Variants in SLC14A2 observed in about 807,000 individuals in gnomAD.
The protein encoded by SLC14A2 is urea transporter 2.
SLC14A2 carries 91 observed loss-of-function variants against 104.6 expected under a neutral mutation model. That is an observed-to-expected ratio of 0.87 (90% CI 0.73 to 1.04). The LOEUF (loss-of-function observed/expected upper bound fraction) is 1.04, where lower values mean the gene tolerates loss of function less well. Among genes scored for constraint, SLC14A2 ranks in the 50% least tolerant of loss-of-function variants. The pLI is 0.00. For synonymous variants in SLC14A2, 476 were observed against 466.4 expected, an observed-to-expected ratio of 1.02 and a Z score of -0.27; for missense variants, 1,189 against 1,156.0, an observed-to-expected ratio of 1.03 and a Z score of -0.41.
rs955962342 is a variant in SLC14A2 at position 45,405,460 on chromosome 18, A to C, written c.-124-77773A>C. Among the ~76,000 whole-genome samples the C allele has an allele frequency of 2.0e-5, 3 of 152,228 alleles. No homozygotes were observed. The East Asian group carries it at 5.8e-4, about 29-fold the overall frequency. The stretch of plus-strand genomic sequence containing the variant: ...AGGTGACCACAATAAAGTGAGTATC[A>C]CATTAAAGCAAGTCGCCTGAAGTGC... On this transcript the variant is annotated intron_variant, in intron 1 of 20. Transcript: ENST00000586448.
chr18:45,427,095 G>A (rs190841092), intron 1 of SLC14A2, among the ~76,000 whole-genome samples: 26 of 152,234 alleles, frequency 1.7e-4, no homozygotes, highest in African/African-American at 5.8e-4. Flanking sequence ...ACCTGCTGAG[G>A]AACATAAGTA....
At chr18:45,634,701 C>A in intron 5 of SLC14A2, 1 of 410,886 alleles carries the variant, frequency 2.4e-6, no homozygotes, top group Non-Finnish European at 4.9e-6. Context: ...ACCAGGTACA[C>A]CCTGTAGACC....
chr18:45,183,377 G>C, the SLC14A2 span, among the ~76,000 whole-genome samples: 2 of 152,158 alleles, frequency 1.3e-5, no homozygotes, highest in Non-Finnish European at 2.9e-5. Flanking sequence ...TGCACACTTT[G>C]ATGTGCTGAT....
At chr18:45,174,593 G>T in the SLC14A2 span, among the ~76,000 whole-genome samples, 1 of 152,066 alleles carries the variant, frequency 6.6e-6, no homozygotes, top group Non-Finnish European at 1.5e-5. Flanking sequence ...TCCCTGCTTC[G>T]TTCCACTTCT....
In SLC14A2 at chr18:45,625,597, A is replaced by G. The variant is rs150838999; in HGVS notation, c.151-86A>G. The G allele has an allele frequency of 3.4e-6, 4 of 1,159,458 alleles. No homozygotes were observed. In the African/African-American group the frequency reaches 6.5e-5, roughly 19 times the overall value. The allele number at this position is 1,159,458 out of a possible 1,614,324, so 71.8% of individuals were successfully genotyped here. A position where few individuals can be genotyped will look rare whatever the true frequency, so the allele number is the denominator to read the frequency against. On this transcript the variant is annotated intron_variant, in intron 2 of 19. Transcript: ENST00000255226. The stretch of plus-strand genomic sequence containing the variant: ...GTCTCATGATCCTTTATTTTTATCA[A>G]AAAACCTGCCACCCTCCTCTATCCC...
intron 1 of SLC14A2, among the ~76,000 whole-genome samples, chr18:45,420,885 C>T (rs2086338328): frequency 6.6e-6 from 1 of 151,962 alleles, no homozygotes; most frequent in South Asian, 2.1e-4. Flanking sequence ...GGACTACAGG[C>T]ATGCACCACC....
intron 2 of SLC14A2, among the ~76,000 whole-genome samples, chr18:45,573,201 T>G (rs552853901): frequency 2.0e-5 from 3 of 152,228 alleles, no homozygotes; most frequent in African/African-American, 7.2e-5. Flanking sequence ...GTTGAAATGA[T>G]TGATAGGTCT....
intron 1 of SLC14A2, among the ~76,000 whole-genome samples, chr18:45,261,561 C>T (rs1599622899): frequency 6.6e-6 from 1 of 151,704 alleles, no homozygotes; most frequent in East Asian, 2.0e-4. Flanking sequence ...CTCCCCTCTC[C>T]CCCAACCCCA....
chr18:45,506,891 C>T (rs927703783), intron 2 of SLC14A2, among the ~76,000 whole-genome samples: 3 of 152,190 alleles, frequency 2.0e-5, no homozygotes, highest in African/African-American at 7.2e-5. Context: ...GGAATCTGCC[C>T]AGACGTAAAG....
At chr18:45,240,806 C>T (rs991965461) in intron 1 of SLC14A2, among the ~76,000 whole-genome samples, 9 of 151,654 alleles carry the variant, frequency 5.9e-5, no homozygotes, top group African/African-American at 1.7e-4. Flanking sequence ...GACAGGTGCC[C>T]GCCACTATGC....
At chr18:45,673,885 GT>G (rs1247591189) in intron 18 of SLC14A2, 68 bp downstream of exon 18, 23 of 1,490,076 alleles carry the variant, frequency 1.5e-5, no homozygotes, top group South Asian at 7.0e-5. Flanking sequence ...GTTTTTTTAT[GT>G]TTTTTAATGG....
intron 1 of SLC14A2, among the ~76,000 whole-genome samples, chr18:45,348,967 C>T (rs147560717): frequency 6.6e-6 from 1 of 152,200 alleles, no homozygotes; most frequent in African/African-American, 2.4e-5. Flanking sequence ...TCAGAGGTAT[C>T]AGCTTGCTTC....
At chr18:45,316,331 C>T (rs2085128901) in intron 1 of SLC14A2, among the ~76,000 whole-genome samples, 1 of 152,164 alleles carries the variant, frequency 6.6e-6, no homozygotes, top group East Asian at 1.9e-4. Flanking sequence ...CACCAGGAGG[C>T]TGCCTGCACT....
chr18:45,532,406 A>G (rs1174841837), intron 2 of SLC14A2, among the ~76,000 whole-genome samples: 1 of 151,746 alleles, frequency 6.6e-6, no homozygotes, highest in Non-Finnish European at 1.5e-5. Flanking sequence ...CTCCTTGAAG[A>G]GGTCCTTCAC....
chr18:45,538,613 A>G (rs7227565), intron 2 of SLC14A2, among the ~76,000 whole-genome samples: 34,009 of 152,110 alleles, frequency 0.22, 5,931 homozygotes, highest in African/African-American at 0.48. Flanking sequence ...TGACTCAACA[A>G]AGAAAGAGGG....
intron 1 of SLC14A2, among the ~76,000 whole-genome samples, chr18:45,236,894 T>G (rs1176006278): frequency 6.6e-6 from 1 of 152,114 alleles, no homozygotes; most frequent in Non-Finnish European, 1.5e-5. Flanking sequence ...TCAACCAATG[T>G]CTGTTGGTGG....
At chr18:45,276,815 T>C (rs1313725222) in intron 1 of SLC14A2, among the ~76,000 whole-genome samples, 1 of 152,202 alleles carries the variant, frequency 6.6e-6, no homozygotes, top group Non-Finnish European at 1.5e-5. Flanking sequence ...CAGGACAAGC[T>C]ACACCGTAAA....
chr18:45,230,620 T>TAATGCAACA (rs1209317722), intron 1 of SLC14A2, among the ~76,000 whole-genome samples: 1 of 152,212 alleles, frequency 6.6e-6, no homozygotes, highest in Non-Finnish European at 1.5e-5. Flanking sequence ...TTTATCCATG[T>TAATGCAACA]AATGCAACAT....
At position 45,682,865 on chromosome 18, in the gene SLC14A2, CGGGTG is replaced by C; in HGVS notation, c.*348_*352del. 2 of 249,988 alleles carry C rather than the reference CGGGTG, an allele frequency of 8.0e-6. No homozygotes were observed. Among genetic ancestry groups the C allele is most frequent in the South Asian group, 5.1e-5 (1 of 19,470 alleles). The allele number at this position is 249,988 out of a possible 1,614,324, so 15.5% of individuals were successfully genotyped here. A position where few individuals can be genotyped will look rare whatever the true frequency, so the allele number is the denominator to read the frequency against. On this transcript the variant is annotated 3_prime_UTR_variant, in exon 20 of 20. Transcript: ENST00000255226. ...ATCCCAGCACTTTGGGAGGCCGAGG[CGGGTG>C]GATCACGAGGTCAGGAGATCGAGAC...
Sources: allele counts gnomAD v4.1 joint callset (sites outside exome capture counted in the v4.1 genomes callset), GRCh38; gene constraint gnomAD v4.1.1; transcripts MANE v1.5; gene names NCBI Gene and HGNC (gene_info 2026-07-23, HGNC 2026-07-21).